The following BPIFC variants were observed in gnomAD, a reference collection of about 807,000 sequenced individuals.
BPIFC encodes the protein BPI fold containing family C, also known as BPI fold-containing family C protein.
Under a neutral mutation model 57.6 loss-of-function variants are expected in BPIFC, and 60 were observed. That is an observed-to-expected ratio of 1.04 (90% CI 0.85 to 1.29). The LOEUF is 1.29. Ranked by LOEUF, BPIFC falls within the 50% of genes most tolerant of loss-of-function variation. The probability of loss-of-function intolerance (pLI) is 0.00; values close to 1 mark genes in which losing one functional copy is unlikely to be tolerated. For missense variants in BPIFC, 581 were observed against 600.5 expected (o/e 0.97, Z 0.34); for synonymous variants, 243 against 224.5 (o/e 1.08, Z -0.74).
intron 4 of BPIFC, among the ~76,000 whole-genome samples, chr22:32,450,585 A>G (rs1300379409): frequency 6.6e-6 from 1 of 152,134 alleles, no homozygotes. Flanking sequence ...TATAAAAATT[A>G]CTAATGAGAT....
intron 9 of BPIFC, among the ~76,000 whole-genome samples, chr22:32,436,420 G>GAGGAGGAGGAGGGAAA (rs1340772219): frequency 6.9e-6 from 1 of 144,724 alleles, no homozygotes. Flanking sequence ...GGAAAAGAAG[G>GAGGAGGAGGAGGGAAA]AGAAGGAGAA....
intron 4 of BPIFC, 116 bp from the exon 5 acceptor site, chr22:32,447,456 A>C: frequency 8.0e-7 from 1 of 1,242,848 alleles, no homozygotes; most frequent in African/African-American, 1.5e-5. Flanking sequence ...GAACTCCTAC[A>C]GAGAAAAGAA....
At chr22:32,439,763 C>T (rs535519702) in intron 8 of BPIFC, among the ~76,000 whole-genome samples, 4 of 151,880 alleles carry the variant, frequency 2.6e-5, no homozygotes, top group South Asian at 2.1e-4. Context: ...TACAGGCCTG[C>T]GCCACCACCT....
At chr22:32,448,629 C>T (rs531347989) in intron 4 of BPIFC, among the ~76,000 whole-genome samples, 1 of 151,966 alleles carries the variant, frequency 6.6e-6, no homozygotes, top group South Asian at 2.1e-4. Flanking sequence ...GGTAGATGGC[C>T]ACATGCATTA....
intron 13 of BPIFC, among the ~76,000 whole-genome samples, chr22:32,423,584 G>A (rs1227248840): frequency 6.6e-6 from 1 of 150,764 alleles, no homozygotes; most frequent in Admixed American, 6.6e-5. Flanking sequence ...GTGGGTGTGT[G>A]TGTGTGTGTG....
At chr22:32,420,492 G>C (rs572368307) in intron 13 of BPIFC, among the ~76,000 whole-genome samples, 2 of 152,042 alleles carry the variant, frequency 1.3e-5, no homozygotes, top group Admixed American at 1.3e-4. Flanking sequence ...CTGTTCAATC[G>C]TTGCAGATAA....
At chr22:32,449,917 G>A (rs1296855120) in intron 4 of BPIFC, among the ~76,000 whole-genome samples, 7 of 151,982 alleles carry the variant, frequency 4.6e-5, no homozygotes, top group Non-Finnish European at 1.0e-4. Flanking sequence ...TGTACTTTTA[G>A]TAGAGATGGG....
At chr22:32,436,386 G>A (rs1934399778) in intron 9 of BPIFC, among the ~76,000 whole-genome samples, 3 of 143,476 alleles carry the variant, frequency 2.1e-5, no homozygotes, top group African/African-American at 8.1e-5. Context: ...GGAAGAGGAG[G>A]AGGAGGAAGA....
chr22:32,415,543 G>A (rs1601437810), intron 16 of BPIFC, among the ~76,000 whole-genome samples: 1 of 152,170 alleles, frequency 6.6e-6, no homozygotes, highest in Admixed American at 6.5e-5. Context: ...TCCCAGCCAT[G>A]CTCCTTTCCA....
intron 14 of BPIFC, among the ~76,000 whole-genome samples, chr22:32,418,351 A>T (rs1437325587): frequency 6.6e-6 from 1 of 152,170 alleles, no homozygotes; most frequent in Non-Finnish European, 1.5e-5. Flanking sequence ...AAGCACAGTC[A>T]CACACACTCT....
At chr22:32,427,016 TCAGAGCAC>T (rs895563918) in intron 13 of BPIFC, among the ~76,000 whole-genome samples, 4 of 152,146 alleles carry the variant, frequency 2.6e-5, no homozygotes, top group African/African-American at 9.7e-5. Flanking sequence ...AGCTAAGGCA[TCAGAGCAC>T]CAGAAGTCTG....
At chr22:32,449,654 T>C (rs958556178) in intron 4 of BPIFC, among the ~76,000 whole-genome samples, 1 of 152,160 alleles carries the variant, frequency 6.6e-6, no homozygotes, top group African/African-American at 2.4e-5. Context: ...TTGGTGGACA[T>C]CTAGGTTCTT....
intron 9 of BPIFC, among the ~76,000 whole-genome samples, chr22:32,436,331 GAAGA>G (rs2145935568): frequency 7.0e-6 from 1 of 142,568 alleles, no homozygotes; most frequent in South Asian, 2.3e-4. Flanking sequence ...AGAAGAAGAA[GAAGA>G]AAGAAGAGGA....
chr22:32,445,092 T>C (rs1281355641), intron 7 of BPIFC, among the ~76,000 whole-genome samples: 1 of 152,238 alleles, frequency 6.6e-6, no homozygotes, highest in Non-Finnish European at 1.5e-5. Flanking sequence ...TCTTTATCTC[T>C]GCATCCCAAG....
intron 12 of BPIFC, among the ~76,000 whole-genome samples, chr22:32,432,077 G>A (rs1934259257): frequency 6.6e-6 from 1 of 152,022 alleles, no homozygotes; most frequent in African/African-American, 2.4e-5. Context: ...TAGGATGACA[G>A]GTGCACAACA....
chr22:32,451,920 T>C (rs1379144668), intron 4 of BPIFC, among the ~76,000 whole-genome samples: 1 of 152,146 alleles, frequency 6.6e-6, no homozygotes, highest in Non-Finnish European at 1.5e-5. Flanking sequence ...TTCTCTTTTT[T>C]TGAGACAGGG....
intron 4 of BPIFC, among the ~76,000 whole-genome samples, chr22:32,450,143 TATATACAC>T (rs1934854919): frequency 1.7e-5 from 2 of 116,666 alleles, no homozygotes; most frequent in Admixed American, 8.5e-5. Flanking sequence ...CACACACACA[TATATACAC>T]ATATATACAC....
chr22:32,414,317 T>A lies in BPIFC; in HGVS notation c.1510A>T (p.Lys504Ter). The A allele has an allele frequency of 6.2e-7, 1 of 1,613,204 alleles. No individual in the cohort carries two copies. The highest frequency in any genetic ancestry group is 8.5e-7 in the Non-Finnish European group (1 of 1,179,600). ...CAAACCGGCAATCAAGGGGCTGACT[T>A]CCCCCTCCACTGTCTGCTTATCAGG... ...LNLISRQWRG[K>*]SAP is the part of the protein sequence containing the mutation. The change falls in exon 17 of 17, where the codon AAG becomes TAG. Residue 504 changes from lysine (K) to a stop codon, truncating the protein, a stop_gained. Transcript: ENST00000300399. LOFTEE classifies it high-confidence loss of function.
intron 13 of BPIFC, among the ~76,000 whole-genome samples, chr22:32,424,814 T>C (rs893288454): frequency 6.8e-6 from 1 of 147,832 alleles, no homozygotes; most frequent in African/African-American, 2.6e-5. Flanking sequence ...GGAGTTTTGC[T>C]CTTGTCGCCC....
Sources: allele counts gnomAD v4.1 joint callset (sites outside exome capture counted in the v4.1 genomes callset), GRCh38; gene constraint gnomAD v4.1.1; transcripts MANE v1.5; gene names NCBI Gene and HGNC (gene_info 2026-07-23, HGNC 2026-07-21).